SLCO5A1: variants seen among roughly 807,000 people sequenced by gnomAD.
SLCO5A1 encodes the protein solute carrier organic anion transporter family member 5A1.
SLCO5A1 carries 39 observed loss-of-function variants against 65.1 expected under a neutral mutation model. The observed-to-expected ratio is 0.60, with a 90% CI of 0.46 to 0.78. SLCO5A1 has a LOEUF of 0.78. Among genes scored for constraint, SLCO5A1 ranks in the 30% least tolerant of loss-of-function variants. SLCO5A1 has a pLI of 0.00. For missense variants in SLCO5A1, 1,029 were observed against 1,069.4 expected, an observed-to-expected ratio of 0.96 and a Z score of 0.53; for synonymous variants, 438 against 415.7, an observed-to-expected ratio of 1.05 and a Z score of -0.65.
chr8:69,789,851 G>A (rs1224695818), intron 2 of SLCO5A1, among the ~76,000 whole-genome samples: 2 of 152,024 alleles, frequency 1.3e-5, no homozygotes, highest in South Asian at 2.1e-4. Context: ...GTACAACAGA[G>A]TGACTATAGT....
chr8:69,788,877 T>C (rs1819145925), intron 2 of SLCO5A1, among the ~76,000 whole-genome samples: 1 of 152,208 alleles, frequency 6.6e-6, no homozygotes, highest in South Asian at 2.1e-4. Context: ...GTCTTTGCTA[T>C]TGCAAATGTC....
chr8:69,732,606 A>G (rs1586737460), intron 5 of SLCO5A1, among the ~76,000 whole-genome samples: 1 of 152,204 alleles, frequency 6.6e-6, no homozygotes, highest in South Asian at 2.1e-4. Context: ...CACATCTGTA[A>G]TCTCAGCACT....
At position 69,832,524 on chromosome 8, in the gene SLCO5A1, G is replaced by A. The variant is rs781379510; in HGVS notation, c.150C>T (p.Leu50=). ...GGTTGGCGTCTCCACTAGTGGGACT[G>A]AGGCTTGGCCGGCAGGAGGCGCTGC... ...VLSSASCRPS[L]SPTSGDANPA... The change falls in exon 2 of 10, where the codon CTC becomes CTT. Residue 50 remains leucine, a synonymous_variant. Coordinates refer to ENST00000260126, the MANE Select transcript of SLCO5A1 (RefSeq NM_030958.3). The surrounding 1 kb of genome is among the most constrained non-coding windows in gnomAD (Gnocchi z 4.5). The A allele has an allele frequency of 1.1e-5, 17 of 1,608,394 alleles. No individual in the cohort carries two copies. The highest frequency in any genetic ancestry group is 6.7e-5 in the African/African-American group (5 of 74,750).
intron 5 of SLCO5A1, among the ~76,000 whole-genome samples, chr8:69,717,877 T>C (rs1815630201): frequency 6.6e-6 from 1 of 152,200 alleles, no homozygotes; most frequent in Non-Finnish European, 1.5e-5. Context: ...ATTGAGCTAA[T>C]TAAAATATAC....
At chr8:69,689,802 G>A (rs1814165079) in intron 6 of SLCO5A1, among the ~76,000 whole-genome samples, 2 of 151,820 alleles carry the variant, frequency 1.3e-5, no homozygotes, top group Admixed American at 1.3e-4. Flanking sequence ...TTTTGGCTTA[G>A]GATTGACTTG....
intron 5 of SLCO5A1, among the ~76,000 whole-genome samples, chr8:69,716,756 C>T (rs1027853960): frequency 6.7e-6 from 1 of 148,938 alleles, no homozygotes; most frequent in Non-Finnish European, 1.5e-5. Context: ...CAAATATTTT[C>T]TCCCATTCTG....
chr8:69,787,561 A>T (rs1819085049), intron 2 of SLCO5A1, among the ~76,000 whole-genome samples: 1 of 152,236 alleles, frequency 6.6e-6, no homozygotes, highest in South Asian at 2.1e-4. Context: ...GATGTATGTT[A>T]TGTAACATCC....
At chr8:69,819,237 A>T (rs767520811) in intron 2 of SLCO5A1, among the ~76,000 whole-genome samples, 5 of 151,858 alleles carry the variant, frequency 3.3e-5, no homozygotes, top group Non-Finnish European at 7.4e-5. Flanking sequence ...TGCTCAGCAC[A>T]GCTCCTCTTT....
At chr8:69,788,291 A>T (rs1172135940) in intron 2 of SLCO5A1, among the ~76,000 whole-genome samples, 3 of 151,998 alleles carry the variant, frequency 2.0e-5, no homozygotes, top group South Asian at 2.1e-4. Context: ...AACTTGATTT[A>T]AAAAAAACAA....
chr8:69,832,095 C>T lies in SLCO5A1; in HGVS notation c.579G>A (p.Arg193=). The stretch of plus-strand genomic sequence containing the variant: ...CACCCACGGCCAGCCACAGGGGCCG[C>T]CGACCCCGGCCGCCGAAGTAGCTGA... ...VFVSYFGGRG[R]RPLWLAVGGL... is the part of the protein sequence containing the mutation. The change falls in exon 2 of 10, where the codon CGG becomes CGA. Residue 193 remains arginine, a synonymous_variant. Transcript: ENST00000260126. The surrounding 1 kb of genome is among the most constrained non-coding windows in gnomAD (Gnocchi z 4.5). The T allele has an allele frequency of 6.2e-7, 1 of 1,613,868 alleles. No individual in the cohort carries two copies.
At chr8:69,827,902 T>C (rs1820989613) in intron 2 of SLCO5A1, among the ~76,000 whole-genome samples, 1 of 152,188 alleles carries the variant, frequency 6.6e-6, no homozygotes, top group Admixed American at 6.5e-5. Flanking sequence ...CAATTCTACA[T>C]TCTGCATTCT....
At chr8:69,826,747 C>T (rs939976121) in intron 2 of SLCO5A1, among the ~76,000 whole-genome samples, 1 of 152,158 alleles carries the variant, frequency 6.6e-6, no homozygotes, top group African/African-American at 2.4e-5. Context: ...GGCGATTCCT[C>T]AGGGATCTAG....
At chr8:69,703,579 C>T (rs1235792831) in intron 6 of SLCO5A1, among the ~76,000 whole-genome samples, 1 of 152,114 alleles carries the variant, frequency 6.6e-6, no homozygotes, top group East Asian at 1.9e-4. Flanking sequence ...CAAATGGGGG[C>T]AGGTTAAATA....
At chr8:69,830,745 C>CT (rs1821119012) in intron 2 of SLCO5A1, among the ~76,000 whole-genome samples, 1 of 152,148 alleles carries the variant, frequency 6.6e-6, no homozygotes, top group Non-Finnish European at 1.5e-5. Context: ...GCCCCCTGTA[C>CT]TTAACTCAAG....
At position 69,667,500 on chromosome 8, in the gene SLCO5A1, G is replaced by T. The variant is rs879415943; in HGVS notation, c.*5369C>A. The T allele has an allele frequency of 2.0e-5, 3 of 152,072 alleles. No individual in the cohort carries two copies. The highest frequency in any genetic ancestry group is 2.9e-5 in the Non-Finnish European group (2 of 68,000). 9.4% of individuals were successfully genotyped at this position (152,072 alleles called of 1,614,324 possible). ...TCTTACCAATTATCAATTACCAATT[G>T]CCAATAATCGGTACTAGTCTTACCA... On this transcript the variant is annotated 3_prime_UTR_variant, in exon 10 of 10. Coordinates refer to ENST00000260126, the MANE Select transcript of SLCO5A1 (RefSeq NM_030958.3).
intron 4 of SLCO5A1, among the ~76,000 whole-genome samples, chr8:69,751,629 C>A (rs1322620937): frequency 2.6e-5 from 4 of 151,930 alleles, no homozygotes; most frequent in Non-Finnish European, 5.9e-5. Context: ...CTCACTGCAA[C>A]CTCCACCTCC....
intron 2 of SLCO5A1, among the ~76,000 whole-genome samples, chr8:69,802,730 A>T (rs1279331200): frequency 6.6e-6 from 1 of 151,332 alleles, no homozygotes; most frequent in African/African-American, 2.4e-5. Flanking sequence ...TACCCCTGCC[A>T]CTCCTCTGCC....
intron 5 of SLCO5A1, among the ~76,000 whole-genome samples, chr8:69,721,813 A>AC (rs1229447241): frequency 2.0e-5 from 3 of 152,194 alleles, no homozygotes; most frequent in Non-Finnish European, 4.4e-5. Context: ...CAAAGGGTTT[A>AC]CCCCCTTATT....
intron 6 of SLCO5A1, among the ~76,000 whole-genome samples, chr8:69,692,714 C>T (rs187333894): frequency 6.1e-4 from 93 of 152,246 alleles, no homozygotes; most frequent in African/African-American, 2.2e-3. Context: ...GGGTCAGGAT[C>T]ATCAGTATCA....
Sources: gnomAD v4.1 joint callset for allele counts (sites outside exome capture counted in the v4.1 genomes callset) on GRCh38, gnomAD v4.1.1 for gene constraint, Gnocchi (gnomAD v3.1) non-coding constraint, MANE v1.5 for transcripts, NCBI Gene and HGNC (gene_info 2026-07-23, HGNC 2026-07-21) for gene names.